CAMTA1: variants seen among roughly 807,000 people sequenced by gnomAD.
The protein encoded by CAMTA1 is calmodulin-binding transcription activator 1.
A neutral mutation model predicts 170.9 loss-of-function variants in CAMTA1; 27 were observed. That is an observed-to-expected ratio of 0.16 (90% confidence interval 0.12 to 0.22). The LOEUF is 0.22. Ranked by LOEUF, CAMTA1 falls within the 10% of genes least tolerant of loss-of-function variation. The pLI is 1.00. For missense variants in CAMTA1, 1,619 were observed against 2,217.2 expected, an observed-to-expected ratio of 0.73 and a Z score of 5.42; for synonymous variants, 833 against 891.5, an observed-to-expected ratio of 0.93 and a Z score of 1.17.
chr1:7,235,784 C>T (rs962604107), intron 4 of CAMTA1, among the ~76,000 whole-genome samples: 12 of 152,316 alleles, frequency 7.9e-5, no homozygotes, highest in Non-Finnish European at 1.3e-4. Flanking sequence ...ACAAATCTAT[C>T]TAGTCGTTTG....
intron 5 of CAMTA1, among the ~76,000 whole-genome samples, chr1:7,337,290 C>G (rs1010931621): frequency 6.6e-6 from 1 of 152,166 alleles, no homozygotes; most frequent in Non-Finnish European, 1.5e-5. Context: ...GCACCCCTTG[C>G]GAGGTTAGGA....
intron 3 of CAMTA1, among the ~76,000 whole-genome samples, chr1:6,964,678 C>T (rs778959290): frequency 3.9e-5 from 6 of 152,238 alleles, no homozygotes; most frequent in Non-Finnish European, 7.3e-5. Context: ...TTCCTTTGTA[C>T]ACTTTTATAA....
chr1:7,339,221 A>T (rs535548579), intron 5 of CAMTA1, among the ~76,000 whole-genome samples: 4 of 152,170 alleles, frequency 2.6e-5, no homozygotes, highest in Non-Finnish European at 5.9e-5. Flanking sequence ...TGATTGTGCA[A>T]CTCCGTGAAT....
At chr1:7,608,304 G>C (rs2095500932) in intron 6 of CAMTA1, among the ~76,000 whole-genome samples, 1 of 152,238 alleles carries the variant, frequency 6.6e-6, no homozygotes, top group Admixed American at 6.5e-5. Context: ...AGATGGGAGA[G>C]GCAAGGAGGT....
At chr1:7,402,156 C>T (rs1327378768) in intron 5 of CAMTA1, among the ~76,000 whole-genome samples, 1 of 152,134 alleles carries the variant, frequency 6.6e-6, no homozygotes, top group Non-Finnish European at 1.5e-5. Context: ...TTTTCCTAAT[C>T]CAGGTGTTAT....
intron 5 of CAMTA1, among the ~76,000 whole-genome samples, chr1:7,306,683 A>G (rs1203137088): frequency 6.6e-6 from 1 of 151,916 alleles, no homozygotes; most frequent in Non-Finnish European, 1.5e-5. Context: ...TCCTGCTGAA[A>G]TTTTTATTGA....
chr1:7,200,540 G>A (rs181333706), intron 4 of CAMTA1, among the ~76,000 whole-genome samples: 61 of 152,278 alleles, frequency 4.0e-4, no homozygotes, highest in East Asian at 2.3e-3. Context: ...GAGTTCTGCC[G>A]TCTTTCTTTT....
chr1:6,904,489 C>T (rs368027984), intron 3 of CAMTA1, among the ~76,000 whole-genome samples: 5 of 151,868 alleles, frequency 3.3e-5, no homozygotes, highest in African/African-American at 9.7e-5. Flanking sequence ...CTGCCAATGA[C>T]ACCCACATCT....
intron 5 of CAMTA1, among the ~76,000 whole-genome samples, chr1:7,294,902 C>G (rs1673698179): frequency 6.6e-6 from 1 of 152,190 alleles, no homozygotes; most frequent in East Asian, 1.9e-4. Context: ...GGTCCTCTCG[C>G]ATCTGCCCCG....
chr1:7,666,323 T>C (rs2096001444), intron 9 of CAMTA1, among the ~76,000 whole-genome samples: 2 of 152,144 alleles, frequency 1.3e-5, no homozygotes, highest in Admixed American at 6.5e-5. Flanking sequence ...AAGATCCTTC[T>C]TAAGTAAACC....
At chr1:7,451,378 A>G (rs1167660489) in intron 5 of CAMTA1, among the ~76,000 whole-genome samples, 1 of 151,970 alleles carries the variant, frequency 6.6e-6, no homozygotes, top group Non-Finnish European at 1.5e-5. Flanking sequence ...TCTCCCTCCT[A>G]CTGTGGCCAG....
At chr1:7,370,154 G>C (rs2086330594) in intron 5 of CAMTA1, 2 of 152,418 alleles carry the variant, frequency 1.3e-5, no homozygotes, top group South Asian at 4.1e-4. Context: ...GGGCAGCAGG[G>C]ACTGGTCCAC....
intron 6 of CAMTA1, among the ~76,000 whole-genome samples, chr1:7,497,185 A>G (rs2093842715): frequency 6.6e-6 from 1 of 151,880 alleles, no homozygotes; most frequent in African/African-American, 2.4e-5. Flanking sequence ...CCCGTCTCAC[A>G]CCTCCCCTGG....
chr1:7,524,214 C>T (rs2094403723), intron 6 of CAMTA1, among the ~76,000 whole-genome samples: 1 of 152,132 alleles, frequency 6.6e-6, no homozygotes, highest in African/African-American at 2.4e-5. Flanking sequence ...TCTCCACACA[C>T]ACAAAAAAGA....
intron 5 of CAMTA1, among the ~76,000 whole-genome samples, chr1:7,312,462 G>C (rs1007234534): frequency 6.6e-6 from 1 of 152,158 alleles, no homozygotes; most frequent in East Asian, 1.9e-4. Context: ...CAGGGATGAA[G>C]GAGGAATAGG....
rs1239448123 is a variant in CAMTA1 at position 7,113,363 on chromosome 1, G to A, written c.302+21992G>A. ...TGTGTGGCCATTCTGACCAAGTGGG[G>A]TGGACGGCAGAGACACTCAGGTGGA... On this transcript the variant is annotated intron_variant, in intron 4 of 22. Transcript: ENST00000303635. This position sits in a 1 kb window ranked among gnomAD's most constrained non-coding sequence, Gnocchi z 4.5. 1.3e-5 allele frequency among the ~76,000 whole-genome samples: 2 copies of A among 152,210 alleles called. No individual in the cohort carries two copies. Among genetic ancestry groups the A allele is most frequent in the African/African-American group, 4.8e-5 (2 of 41,460 alleles).
intron 3 of CAMTA1, among the ~76,000 whole-genome samples, chr1:6,858,179 G>T (rs1444083194): frequency 6.6e-6 from 1 of 152,116 alleles, no homozygotes; most frequent in Non-Finnish European, 1.5e-5. Flanking sequence ...AATTACAGTT[G>T]TTTTTGCTTT....
At chr1:6,960,464 G>A (rs1402570125) in intron 3 of CAMTA1, among the ~76,000 whole-genome samples, 1 of 152,138 alleles carries the variant, frequency 6.6e-6, no homozygotes, top group Non-Finnish European at 1.5e-5. Context: ...TGATTTTCCA[G>A]GCTGACTCTC....
chr1:7,487,871 C>T (rs1379988546), intron 6 of CAMTA1, among the ~76,000 whole-genome samples: 1 of 152,186 alleles, frequency 6.6e-6, no homozygotes, highest in Admixed American at 6.5e-5. Context: ...TTCTGCTGAG[C>T]CCCTCGGTTG....
Sources: allele counts gnomAD v4.1 joint callset (sites outside exome capture counted in the v4.1 genomes callset), GRCh38; gene constraint gnomAD v4.1.1; non-coding constraint Gnocchi (gnomAD v3.1); transcripts MANE v1.5; gene names NCBI Gene and HGNC (gene_info 2026-07-23, HGNC 2026-07-21).